The following CLGN variants were observed in gnomAD, a reference collection of about 807,000 sequenced individuals.
CLGN encodes the protein calmegin, also known as testis tissue sperm-binding protein Li 79P.
CLGN carries 62 observed loss-of-function variants against 79.1 expected under a neutral mutation model. That is an observed-to-expected ratio of 0.78 (90% CI 0.64 to 0.97). The LOEUF (loss-of-function observed/expected upper bound fraction) is 0.97, where lower values mean the gene tolerates loss of function less well. Among genes scored for constraint, CLGN ranks in the 50% least tolerant of loss-of-function variants. The pLI is 0.00. For synonymous variants in CLGN, 225 were observed against 224.7 expected, an observed-to-expected ratio of 1.00 and a Z score of -0.01; for missense variants, 647 against 715.5, an observed-to-expected ratio of 0.90 and a Z score of 1.09.
At chr4:140,421,955 G>T (rs747685941) in intron 1 of CLGN, among the ~76,000 whole-genome samples, 5 of 151,944 alleles carry the variant, frequency 3.3e-5, no homozygotes, top group African/African-American at 1.2e-4. Flanking sequence ...GTTAATTTTT[G>T]TCTATGATTT....
intron 1 of CLGN, among the ~76,000 whole-genome samples, chr4:140,414,830 G>C (rs1257077729): frequency 6.6e-6 from 1 of 150,620 alleles, no homozygotes; most frequent in Admixed American, 6.6e-5. Context: ...CCAACGTTCA[G>C]ATTCAGGAAA....
chr4:140,391,298 T>C (rs1315748767), intron 13 of CLGN, among the ~76,000 whole-genome samples: 1 of 151,790 alleles, frequency 6.6e-6, no homozygotes, highest in East Asian at 1.9e-4. Context: ...AATGTGGGAC[T>C]ACGTGTATAG....
Position 140,409,732 on chromosome 4 carries a change from A to G in CLGN, c.277+105T>C, listed in dbSNP as rs920321715. ...AAGACTGAACATTTTATTGTGAGGC[A>G]GGGTGGGGGACTCCAGCCAACACAA... On this transcript the variant is annotated intron_variant, in intron 4 of 14. Coordinates refer to ENST00000325617, the MANE Select transcript of CLGN (RefSeq NM_004362.3). The G allele has an allele frequency of 1.0e-4, 59 of 575,074 alleles. No individual in the cohort carries two copies. In the African/African-American group the frequency reaches 1.1e-3, roughly 11 times the overall value. 35.6% of individuals were successfully genotyped at this position (575,074 alleles called of 1,614,324 possible).
chr4:140,396,905 A>C, intron 8 of CLGN, among the ~76,000 whole-genome samples: 1 of 39,526 alleles, frequency 2.5e-5, no homozygotes, highest in Non-Finnish European at 6.2e-5. Flanking sequence ...ATATATATAT[A>C]TGTATATATA....
At chr4:140,426,081 ATTAC>A (rs1321167142) in intron 1 of CLGN, among the ~76,000 whole-genome samples, 1 of 152,158 alleles carries the variant, frequency 6.6e-6, no homozygotes, top group East Asian at 1.9e-4. Flanking sequence ...ACAATCACCT[ATTAC>A]TTAAAGTTTT....
At position 140,392,203 on chromosome 4, in the gene CLGN, ACT is replaced by A. The variant is rs774489168; in HGVS notation, c.1651+14_1651+15del. 6.2e-7 allele frequency: 1 copy of A among 1,609,476 alleles called. No homozygotes were observed. On this transcript the variant is annotated intron_variant, in intron 13 of 14. Coordinates refer to ENST00000325617, the MANE Select transcript of CLGN (RefSeq NM_004362.3). ...TTACCCAGAGTCTCCATTATAAATC[ACT>A]CTCATCATCTTACCTTTTTCAAGCA... is the stretch of plus-strand genomic sequence containing the variant.
intron 4 of CLGN, among the ~76,000 whole-genome samples, chr4:140,408,485 A>T (rs1729148558): frequency 6.6e-6 from 1 of 152,074 alleles, no homozygotes; most frequent in Non-Finnish European, 1.5e-5. Context: ...AGCAAGAAAA[A>T]AATTAATCCC....
chr4:140,425,501 T>C (rs1047134131), intron 1 of CLGN, among the ~76,000 whole-genome samples: 25 of 151,726 alleles, frequency 1.6e-4, no homozygotes, highest in African/African-American at 5.8e-4. Context: ...TACTGCACGT[T>C]GATTTATTGC....
rs1729595947 is a variant in CLGN at position 140,427,603 on chromosome 4, G to A, written c.-76C>T. On this transcript the variant is annotated 5_prime_UTR_variant, in exon 1 of 15. The change creates a new upstream start codon in the 5' untranslated region. Coordinates refer to ENST00000325617, the MANE Select transcript of CLGN (RefSeq NM_004362.3). Reference sequence around the variant, plus strand: ...CAAGTCGTTGCCACTTGGTCCCCGCGTCTCTTCAGACCAGTCCCGCCGGCG... The same window carrying A: ...CAAGTCGTTGCCACTTGGTCCCCGCATCTCTTCAGACCAGTCCCGCCGGCG... 6.6e-6 allele frequency: 1 copy of A among 152,292 alleles called. No homozygotes were observed. The highest frequency in any genetic ancestry group is 2.4e-5 in the African/African-American group (1 of 41,464). 9.4% of individuals were successfully genotyped at this position (152,292 alleles called of 1,614,324 possible).
intron 2 of CLGN, among the ~76,000 whole-genome samples, 181 bp downstream of exon 2, chr4:140,412,754 A>T (rs1005424850): frequency 2.6e-5 from 4 of 152,174 alleles, no homozygotes; most frequent in Non-Finnish European, 4.4e-5. Flanking sequence ...CCATGAACAA[A>T]TTTCTGAATT....
chr4:140,409,954 A>C (rs964873693), intron 3 of CLGN, 59 bp from the exon 4 acceptor site: 14 of 1,091,212 alleles, frequency 1.3e-5, no homozygotes, highest in Non-Finnish European at 1.9e-5. Flanking sequence ...CAATTTATAG[A>C]TATAAGGCAT....
At chr4:140,394,886 C>T (rs1364454365) in intron 10 of CLGN, among the ~76,000 whole-genome samples, 3 of 151,898 alleles carry the variant, frequency 2.0e-5, no homozygotes, top group Non-Finnish European at 2.9e-5. Flanking sequence ...CGATTGATAT[C>T]AGAAAAAAAT....
intron 1 of CLGN, among the ~76,000 whole-genome samples, chr4:140,420,593 C>G (rs1002195300): frequency 7.9e-5 from 12 of 151,634 alleles, no homozygotes; most frequent in Admixed American, 7.9e-4. Context: ...ATACTTTCTG[C>G]GTAATGCTGC....
At chr4:140,394,107 G>A (rs1728826353) in intron 10 of CLGN, 66 bp from the exon 11 acceptor site, 10 of 1,131,298 alleles carry the variant, frequency 8.8e-6, no homozygotes, top group Non-Finnish European at 1.3e-5. Context: ...TGCTTAATAA[G>A]TAGCTGCTGT....
chr4:140,414,203 T>C (rs935061267), intron 1 of CLGN, among the ~76,000 whole-genome samples: 10 of 152,060 alleles, frequency 6.6e-5, no homozygotes, highest in African/African-American at 2.4e-4. Context: ...CATCTGTACA[T>C]CACCATCATC....
At chr4:140,414,255 C>G (rs1729276607) in intron 1 of CLGN, among the ~76,000 whole-genome samples, 1 of 152,152 alleles carries the variant, frequency 6.6e-6, no homozygotes, top group Admixed American at 6.6e-5. Flanking sequence ...GGGGGGAAAA[C>G]AGAACAGAAA....
intron 1 of CLGN, among the ~76,000 whole-genome samples, chr4:140,416,478 G>C (rs1729334549): frequency 6.6e-6 from 1 of 151,864 alleles, no homozygotes; most frequent in South Asian, 2.1e-4. Flanking sequence ...GAAAAAAAGA[G>C]AGAAGAATCT....
At chr4:140,412,866 A>C in intron 2 of CLGN, 69 bp downstream of exon 2, 1 of 1,305,202 alleles carries the variant, frequency 7.7e-7, no homozygotes, top group Middle Eastern at 2.1e-4. Context: ...GAAATGAATC[A>C]CCAGAGGTCA....
chr4:140,413,599 G>T (rs1375216531), intron 1 of CLGN, among the ~76,000 whole-genome samples: 1 of 152,148 alleles, frequency 6.6e-6, no homozygotes, highest in African/African-American at 2.4e-5. Flanking sequence ...GGTGACGGAC[G>T]GCACCTGGAA....
Sources: gnomAD v4.1 joint callset for allele counts (sites outside exome capture counted in the v4.1 genomes callset) on GRCh38, gnomAD v4.1.1 for gene constraint, MANE v1.5 for transcripts, NCBI Gene and HGNC (gene_info 2026-07-23, HGNC 2026-07-21) for gene names.